Variants in MMD2 observed in about 807,000 individuals in gnomAD.
The protein encoded by MMD2 is monocyte to macrophage differentiation associated 2, also known as monocyte to macrophage differentiation factor 2.
In MMD2, 30 loss-of-function variants were observed where a neutral mutation model predicts 33.5. The observed-to-expected ratio is 0.90, with a 90% confidence interval of 0.67 to 1.22. MMD2 has a LOEUF of 1.22. MMD2 is among the 50% of genes most tolerant of loss of function. The probability of loss-of-function intolerance (pLI) is 0.00; values close to 1 mark genes in which losing one functional copy is unlikely to be tolerated. For missense variants in MMD2, 364 were observed against 325.4 expected (o/e 1.12, Z -0.91); for synonymous variants, 129 against 123.0 (o/e 1.05, Z -0.32).
chr7:4,924,246 G>A (rs1785364726), intron 2 of MMD2, among the ~76,000 whole-genome samples: 1 of 152,204 alleles, frequency 6.6e-6, no homozygotes, highest in Non-Finnish European at 1.5e-5. Context: ...ACCAAGTGTG[G>A]TCCAGGCACA....
chr7:4,923,153 G>C (rs1376912199), intron 2 of MMD2, among the ~76,000 whole-genome samples: 2 of 151,872 alleles, frequency 1.3e-5, no homozygotes, highest in African/African-American at 4.8e-5. Flanking sequence ...CACTCAACTG[G>C]AGTAAAGTGG....
chr7:4,929,146 C>G (rs571504996), intron 1 of MMD2, among the ~76,000 whole-genome samples: 1 of 152,114 alleles, frequency 6.6e-6, no homozygotes, highest in African/African-American at 2.4e-5. Context: ...TCTCCAGGTT[C>G]GGGTGACTGC....
At chr7:4,915,237 C>T (rs1445428160) in intron 4 of MMD2, among the ~76,000 whole-genome samples, 1 of 151,444 alleles carries the variant, frequency 6.6e-6, no homozygotes, top group Non-Finnish European at 1.5e-5. Context: ...CAACACTGCA[C>T]TCCAGCACAG....
chr7:4,957,899 C>T (rs1179376348), intron 1 of MMD2, among the ~76,000 whole-genome samples: 1 of 152,190 alleles, frequency 6.6e-6, no homozygotes, highest in Non-Finnish European at 1.5e-5. Context: ...CTCCTCTTGT[C>T]AAGCTGTGCT....
chr7:4,947,325 A>G (rs891581426), intron 1 of MMD2, among the ~76,000 whole-genome samples: 1 of 152,044 alleles, frequency 6.6e-6, no homozygotes, highest in South Asian at 2.1e-4. Context: ...CAATCATGGC[A>G]GAAAGCAAAG....
chr7:4,951,695 G>A (rs1786248017), intron 1 of MMD2, among the ~76,000 whole-genome samples: 1 of 152,072 alleles, frequency 6.6e-6, no homozygotes, highest in Non-Finnish European at 1.5e-5. Flanking sequence ...AATCTCCTAG[G>A]CTCAGGTGAT....
At chr7:4,948,582 A>G (rs1012992944) in intron 1 of MMD2, among the ~76,000 whole-genome samples, 3 of 152,050 alleles carry the variant, frequency 2.0e-5, no homozygotes, top group Non-Finnish European at 4.4e-5. Flanking sequence ...ATGTGATAGT[A>G]TTAGGAGGCG....
At chr7:4,938,623 G>C (rs998472242) in intron 1 of MMD2, among the ~76,000 whole-genome samples, 1 of 152,086 alleles carries the variant, frequency 6.6e-6, no homozygotes, top group African/African-American at 2.4e-5. Context: ...TTTTCGAAGA[G>C]ACAAACATTC....
intron 1 of MMD2, among the ~76,000 whole-genome samples, chr7:4,944,459 C>A (rs961677718): frequency 1.3e-5 from 2 of 152,148 alleles, no homozygotes; most frequent in African/African-American, 4.8e-5. Flanking sequence ...GCCCACCCCA[C>A]GCTGGATCTG....
At position 4,906,130 on chromosome 7, in the gene MMD2, C is replaced by A. The variant is rs896633671; in HGVS notation, c.*1266G>T. The stretch of plus-strand genomic sequence containing the variant: ...CCCACTCCACCCTGGTTGGGAGTCG[C>A]AGAATGAGGACCTCCTGACTTGAGA... On this transcript the variant is annotated 3_prime_UTR_variant, in exon 7 of 7. Coordinates refer to ENST00000401401, the MANE Select transcript of MMD2 (RefSeq NM_198403.4). The A allele has an allele frequency of 1.0e-5, 2 of 193,856 alleles. No individual in the cohort carries two copies. Among genetic ancestry groups the A allele is most frequent in the African/African-American group, 4.6e-5 (2 of 43,222 alleles). The allele number at this position is 193,856 out of a possible 1,614,324, so 12.0% of individuals were successfully genotyped here.
chr7:4,905,279 AGAG>A (rs371028601), downstream of MMD2, among the ~76,000 whole-genome samples: 857 of 149,912 alleles, frequency 5.7e-3, 13 homozygotes, highest in African/African-American at 0.02. This position sits in a 1 kb window ranked among gnomAD's most constrained non-coding sequence, Gnocchi z 5.0. Flanking sequence ...AGGAAGAGGA[AGAG>A]GAAGAAGAAG....
At chr7:4,902,029 G>A (rs1484800664), downstream of MMD2, among the ~76,000 whole-genome samples, 12 of 152,124 alleles carry the variant, frequency 7.9e-5, no homozygotes, top group Non-Finnish European at 2.9e-5. Context: ...TCGGCTCATT[G>A]CAACCTCTGC....
chr7:4,927,205 T>C (rs1785456181), intron 1 of MMD2, among the ~76,000 whole-genome samples: 1 of 152,128 alleles, frequency 6.6e-6, no homozygotes, highest in Non-Finnish European at 1.5e-5. Flanking sequence ...CGCGCACTTA[T>C]TTCTGCTGAG....
intron 1 of MMD2, among the ~76,000 whole-genome samples, chr7:4,932,232 C>T (rs906968055): frequency 1.3e-5 from 2 of 152,076 alleles, no homozygotes; most frequent in South Asian, 4.1e-4. Context: ...TGAATGCTGG[C>T]GGAGAGGGGA....
intron 4 of MMD2, among the ~76,000 whole-genome samples, chr7:4,911,544 T>C (rs1376329543): frequency 1.3e-5 from 2 of 152,226 alleles, no homozygotes; most frequent in Non-Finnish European, 2.9e-5. Context: ...TTGGGGGCGA[T>C]TGTGCATTCT....
intron 1 of MMD2, among the ~76,000 whole-genome samples, chr7:4,929,408 G>GC (rs902092506): frequency 6.6e-6 from 1 of 151,634 alleles, no homozygotes; most frequent in Admixed American, 6.6e-5. Flanking sequence ...CCCCATTGAA[G>GC]CCCCCCCCAG....
At chr7:4,948,152 A>C (rs1786142583) in intron 1 of MMD2, among the ~76,000 whole-genome samples, 1 of 152,164 alleles carries the variant, frequency 6.6e-6, no homozygotes. Flanking sequence ...ACTGAATAGG[A>C]GATTGGGGCA....
At position 4,930,373 on chromosome 7, in the gene MMD2, C is replaced by T. The variant is rs1011239178; in HGVS notation, c.48-4841G>A. Among the ~76,000 whole-genome samples, 6 of 151,204 alleles carry T rather than the reference C, an allele frequency of 4.0e-5. No individual in the cohort carries two copies. The East Asian group carries it at 9.7e-4, about 24-fold the overall frequency. The stretch of plus-strand genomic sequence containing the variant: ...AGACAAAACAGGCCGGGCATGGTGG[C>T]TCACACCTGTAATCCCAGCACTTTG... On this transcript the variant is annotated intron_variant, in intron 1 of 6. Transcript: ENST00000401401.
chr7:4,951,702 T>G (rs1053858425), intron 1 of MMD2, among the ~76,000 whole-genome samples: 4 of 152,082 alleles, frequency 2.6e-5, no homozygotes, highest in Non-Finnish European at 4.4e-5. Context: ...TAGGCTCAGG[T>G]GATCCTCCCA....
Sources: gnomAD v4.1 joint callset for allele counts (sites outside exome capture counted in the v4.1 genomes callset) on GRCh38, gnomAD v4.1.1 for gene constraint, Gnocchi (gnomAD v3.1) non-coding constraint, MANE v1.5 for transcripts, NCBI Gene and HGNC (gene_info 2026-07-23, HGNC 2026-07-21) for gene names.